ROBO1: variants seen among roughly 807,000 people sequenced by gnomAD.
The protein encoded by ROBO1 is roundabout guidance receptor 1, also known as roundabout homolog 1.
In ROBO1, 149 loss-of-function variants were observed where a neutral mutation model predicts 195.9. The observed-to-expected ratio is 0.76, with a 90% CI of 0.67 to 0.87. The LOEUF (loss-of-function observed/expected upper bound fraction) is 0.87. Among genes scored for constraint, ROBO1 ranks in the 40% least tolerant of loss-of-function variants. The pLI, the probability that ROBO1 is intolerant of heterozygous loss-of-function variation, is 0.00. For missense variants in ROBO1, 1,933 were observed against 2,068.3 expected, an observed-to-expected ratio of 0.93 and a Z score of 1.27; for synonymous variants, 816 against 733.2, an observed-to-expected ratio of 1.11 and a Z score of -1.82.
chr3:79,314,588 C>G (rs2033648758), intron 2 of ROBO1, among the ~76,000 whole-genome samples: 1 of 152,208 alleles, frequency 6.6e-6, no homozygotes, highest in Non-Finnish European at 1.5e-5. Context: ...ATGACCCAGT[C>G]TTGGGTATGT....
At chr3:79,247,568 C>T (rs961772974) in intron 2 of ROBO1, among the ~76,000 whole-genome samples, 6 of 151,928 alleles carry the variant, frequency 3.9e-5, no homozygotes, top group Admixed American at 1.3e-4. Context: ...AAAGCAATAA[C>T]GGAATCTCCC....
chr3:79,663,492 C>T (rs1164024039), intron 1 of ROBO1, among the ~76,000 whole-genome samples: 5 of 151,946 alleles, frequency 3.3e-5, no homozygotes, highest in Non-Finnish European at 5.9e-5. Flanking sequence ...TTATCATCTG[C>T]CACTACCAAT....
chr3:78,736,024 T>C (rs2082383877), intron 5 of ROBO1, among the ~76,000 whole-genome samples: 1 of 152,198 alleles, frequency 6.6e-6, no homozygotes. Flanking sequence ...CTTATAGCAA[T>C]GTATTTACTC....
At chr3:79,683,858 C>A (rs1477840472) in intron 1 of ROBO1, among the ~76,000 whole-genome samples, 3 of 151,936 alleles carry the variant, frequency 2.0e-5, no homozygotes, top group African/African-American at 7.2e-5. Flanking sequence ...AGATGATATA[C>A]ATTTAGGTTA....
chr3:79,380,620 A>G (rs1164526581), intron 2 of ROBO1, among the ~76,000 whole-genome samples: 1 of 152,098 alleles, frequency 6.6e-6, no homozygotes, highest in African/African-American at 2.4e-5. Context: ...GTCATAATCT[A>G]CCATATTATT....
chr3:78,726,306 G>GC (rs1312879224), intron 5 of ROBO1, among the ~76,000 whole-genome samples: 1 of 151,948 alleles, frequency 6.6e-6, no homozygotes, highest in African/African-American at 2.4e-5. Flanking sequence ...ATACAGATAA[G>GC]ACACACATAG....
intron 2 of ROBO1, among the ~76,000 whole-genome samples, chr3:79,217,892 T>C (rs1407325461): frequency 6.6e-6 from 1 of 151,908 alleles, no homozygotes; most frequent in African/African-American, 2.4e-5. Context: ...AAAGTATAGA[T>C]AATAAATCCA....
intron 2 of ROBO1, among the ~76,000 whole-genome samples, chr3:79,502,554 C>T (rs1940147483): frequency 1.3e-5 from 2 of 152,154 alleles, no homozygotes; most frequent in Admixed American, 1.3e-4. Context: ...GAGCGCCATC[C>T]CCTGCTCCAC....
chr3:79,336,439 C>T (rs932677183), intron 2 of ROBO1, among the ~76,000 whole-genome samples: 9 of 152,224 alleles, frequency 5.9e-5, no homozygotes, highest in African/African-American at 2.2e-4. Context: ...CAGGCAATTG[C>T]TTCAGAGAGT....
chr3:78,610,090 C>T (rs995085668), intron 28 of ROBO1, among the ~76,000 whole-genome samples: 2 of 151,952 alleles, frequency 1.3e-5, no homozygotes, highest in African/African-American at 2.4e-5. Context: ...TTACCATGTT[C>T]GAGTATCATA....
chr3:78,659,909 C>T, intron 16 of ROBO1, 102 bp from the exon 17 acceptor site: 1 of 602,124 alleles, frequency 1.7e-6, no homozygotes, highest in Non-Finnish European at 2.5e-6. Context: ...AATACTATAT[C>T]AATATATGCT....
intron 2 of ROBO1, among the ~76,000 whole-genome samples, chr3:79,237,430 G>A (rs1199294234): frequency 3.3e-5 from 5 of 151,334 alleles, no homozygotes; most frequent in Admixed American, 1.3e-4. Flanking sequence ...GCAGTGAGCC[G>A]AGATTGCACC....
At chr3:78,804,978 G>A (rs987676581) in intron 4 of ROBO1, among the ~76,000 whole-genome samples, 1 of 152,110 alleles carries the variant, frequency 6.6e-6, no homozygotes, top group Non-Finnish European at 1.5e-5. Flanking sequence ...GGTCACAAGA[G>A]TTCCTTCTGC....
chr3:79,385,955 C>T (rs552730431), intron 2 of ROBO1, among the ~76,000 whole-genome samples: 1 of 152,190 alleles, frequency 6.6e-6, no homozygotes, highest in East Asian at 1.9e-4. Flanking sequence ...AAACATTGAA[C>T]AGGGCCTGAT....
chr3:78,721,720 T>G (rs1425925081), intron 5 of ROBO1, among the ~76,000 whole-genome samples: 2 of 152,206 alleles, frequency 1.3e-5, no homozygotes, highest in African/African-American at 4.8e-5. Flanking sequence ...AACATATAAA[T>G]AATTTGCAAC....
chr3:78,759,815 C>T (rs1559825590), intron 4 of ROBO1, among the ~76,000 whole-genome samples: 1 of 151,516 alleles, frequency 6.6e-6, no homozygotes, highest in African/African-American at 2.4e-5. Flanking sequence ...AAGATCGAGG[C>T]ATCTAAACAG....
Position 78,606,944 on chromosome 3 carries a change from G to C in ROBO1, c.4533C>G (p.Leu1511=). The change falls in exon 29 of 31, where the codon CTC becomes CTG. Residue 1511 remains leucine, a synonymous_variant. Coordinates refer to ENST00000464233, the MANE Select transcript of ROBO1 (RefSeq NM_002941.4). ...TGTCTGTTCTTGCATCCATAGAAGG[G>C]AGTTTTGGCACCACTACAGGTCGTA... is the stretch of plus-strand genomic sequence containing the variant. ...LEVRPVVVPK[L]PSMDARTDRS... 6.2e-7 allele frequency: 1 copy of C among 1,613,836 alleles called. No individual in the cohort carries two copies. Among genetic ancestry groups the C allele is most frequent in the Non-Finnish European group, 8.5e-7 (1 of 1,179,874 alleles).
At chr3:79,538,492 A>C (rs534088645) in intron 2 of ROBO1, among the ~76,000 whole-genome samples, 3 of 152,248 alleles carry the variant, frequency 2.0e-5, no homozygotes, top group Admixed American at 6.6e-5. Context: ...AATGCCCCAA[A>C]TATTGGGTTG....
At chr3:79,428,289 AAAAG>A (rs2038532623) in intron 2 of ROBO1, among the ~76,000 whole-genome samples, 1 of 151,902 alleles carries the variant, frequency 6.6e-6, no homozygotes, top group Non-Finnish European at 1.5e-5. Flanking sequence ...ACAAAAATTA[AAAAG>A]AAATATTAAT....
Sources: gnomAD v4.1 joint callset for allele counts (sites outside exome capture counted in the v4.1 genomes callset) on GRCh38, gnomAD v4.1.1 for gene constraint, MANE v1.5 for transcripts, NCBI Gene and HGNC (gene_info 2026-07-23, HGNC 2026-07-21) for gene names.